The following CAMK2D variants were observed in gnomAD, a reference collection of about 807,000 sequenced individuals.
The protein encoded by CAMK2D is calcium/calmodulin dependent protein kinase II delta, also known as calcium/calmodulin-dependent protein kinase type II subunit delta.
CAMK2D carries 37 observed loss-of-function variants against 84.0 expected under a neutral mutation model. The ratio of observed to expected loss-of-function variants is 0.44; its 90% CI spans 0.34 to 0.58. CAMK2D has a LOEUF of 0.58. Ranked by LOEUF, CAMK2D falls within the 20% of genes least tolerant of loss-of-function variation. CAMK2D has a pLI of 0.02. For synonymous variants in CAMK2D, 202 were observed against 212.5 expected, an observed-to-expected ratio of 0.95 and a Z score of 0.43; for missense variants, 448 against 652.5, an observed-to-expected ratio of 0.69 and a Z score of 3.41.
At chr4:113,651,310 C>T (rs953046468) in intron 3 of CAMK2D, among the ~76,000 whole-genome samples, 1 of 152,136 alleles carries the variant, frequency 6.6e-6, no homozygotes, top group South Asian at 2.1e-4. Flanking sequence ...AACTGATGTA[C>T]TATAAATCAA....
At chr4:113,528,476 G>T (rs943442838) in intron 8 of CAMK2D, among the ~76,000 whole-genome samples, 32 of 151,982 alleles carry the variant, frequency 2.1e-4, no homozygotes, top group Admixed American at 2.0e-4. Context: ...AAAATAGGAA[G>T]GAAACTAGGA....
At chr4:113,472,144 C>T (rs529808013) in intron 16 of CAMK2D, among the ~76,000 whole-genome samples, 32 of 152,290 alleles carry the variant, frequency 2.1e-4, no homozygotes, top group African/African-American at 2.6e-4. Context: ...TGCATTATCA[C>T]GGGATGTTCA....
intron 4 of CAMK2D, among the ~76,000 whole-genome samples, chr4:113,588,203 T>C (rs190470999): frequency 9.7e-4 from 148 of 152,296 alleles, no homozygotes; most frequent in East Asian, 7.7e-4. Context: ...AAGACTTCAA[T>C]TGCTTAAATA....
At chr4:113,485,527 T>C (rs1344092244) in intron 16 of CAMK2D, among the ~76,000 whole-genome samples, 1 of 152,212 alleles carries the variant, frequency 6.6e-6, no homozygotes. Context: ...CCCTTGACCA[T>C]GTATCTCCCT....
At chr4:113,485,794 C>A (rs1465936818) in intron 16 of CAMK2D, among the ~76,000 whole-genome samples, 1 of 152,108 alleles carries the variant, frequency 6.6e-6, no homozygotes, top group African/African-American at 2.4e-5. Flanking sequence ...TAACTAGCAC[C>A]TTCCCTCCTC....
intron 3 of CAMK2D, among the ~76,000 whole-genome samples, chr4:113,640,340 G>C (rs1449914037): frequency 6.6e-6 from 1 of 152,092 alleles, no homozygotes; most frequent in Admixed American, 6.6e-5. Context: ...TAGGCAGAAG[G>C]GGAATTCACG....
At chr4:113,657,419 A>AT (rs2099206395) in intron 3 of CAMK2D, among the ~76,000 whole-genome samples, 1 of 152,148 alleles carries the variant, frequency 6.6e-6, no homozygotes, top group Non-Finnish European at 1.5e-5. Context: ...AAGCTTGGCA[A>AT]TGGCTACACA....
chr4:113,544,418 T>C (rs1046249198), intron 6 of CAMK2D, among the ~76,000 whole-genome samples: 1 of 152,196 alleles, frequency 6.6e-6, no homozygotes, highest in Non-Finnish European at 1.5e-5. Context: ...TTTTAATTCA[T>C]CCAACCAACT....
At chr4:113,714,084 CT>C (rs1242228862) in intron 2 of CAMK2D, among the ~76,000 whole-genome samples, 1 of 151,904 alleles carries the variant, frequency 6.6e-6, no homozygotes. Context: ...CATATTTAGT[CT>C]TTTGGGGTAA....
rs537178370 is a variant in CAMK2D at position 113,597,101 on chromosome 4, A to C, written c.275+12051T>G. On this transcript the variant is annotated intron_variant, in intron 4 of 20. Coordinates refer to ENST00000511664, the MANE Select transcript of CAMK2D (RefSeq NM_001321571.2). ...CCAAAGTGCTGGGATTACAGGCATG[A>C]GCCACCGCGCCTGGCCGGGTCCTAA... 1.1e-3 allele frequency among the ~76,000 whole-genome samples: 163 copies of C among 152,266 alleles called. 1 individual carries two copies. In the Middle Eastern group the frequency reaches 0.017, roughly 16 times the overall value.
At chr4:113,696,914 C>T (rs898384772) in intron 2 of CAMK2D, among the ~76,000 whole-genome samples, 2 of 73,024 alleles carry the variant, frequency 2.7e-5, no homozygotes, top group African/African-American at 1.7e-4. Flanking sequence ...AAAGATGGTC[C>T]CATTAGGAGT....
chr4:113,707,139 C>T (rs985363007), intron 2 of CAMK2D, among the ~76,000 whole-genome samples: 1 of 152,100 alleles, frequency 6.6e-6, no homozygotes, highest in Non-Finnish European at 1.5e-5. Flanking sequence ...TTTAAGCAAG[C>T]ACATTACTGG....
intron 2 of CAMK2D, among the ~76,000 whole-genome samples, chr4:113,679,220 G>A (rs1390035304): frequency 6.6e-6 from 1 of 152,084 alleles, no homozygotes; most frequent in African/African-American, 2.4e-5. Context: ...GGTTGTTAAT[G>A]CTAAAGAGCT....
chr4:113,687,074 C>T (rs2099362107), intron 2 of CAMK2D, among the ~76,000 whole-genome samples: 1 of 152,082 alleles, frequency 6.6e-6, no homozygotes, highest in African/African-American at 2.4e-5. Flanking sequence ...GGTAACCAGC[C>T]ATGAGCACAT....
chr4:113,755,090 C>T, intron 2 of CAMK2D: 6 of 983,978 alleles, frequency 6.1e-6, no homozygotes, highest in Non-Finnish European at 7.2e-6. Flanking sequence ...TTCTTGACTG[C>T]CTGGAAGCCA....
chr4:113,496,566 A>G (rs2097935779), intron 16 of CAMK2D, among the ~76,000 whole-genome samples: 1 of 151,164 alleles, frequency 6.6e-6, no homozygotes, highest in African/African-American at 2.4e-5. Context: ...CTCATGCCTC[A>G]GCCTCCCGAG....
chr4:113,505,166 A>G (rs186698300), intron 13 of CAMK2D, 131 bp from the exon 14 acceptor site: 54 of 465,516 alleles, frequency 1.2e-4, no homozygotes, highest in African/African-American at 1.0e-3. Flanking sequence ...CGTGAAAGAC[A>G]TGGTGATGAC....
chr4:113,480,764 C>A (rs1343277341), intron 16 of CAMK2D, among the ~76,000 whole-genome samples: 1 of 152,128 alleles, frequency 6.6e-6, no homozygotes, highest in African/African-American at 2.4e-5. Flanking sequence ...TTGCTTGAAC[C>A]TAGCAGGCGG....
intron 4 of CAMK2D, among the ~76,000 whole-genome samples, chr4:113,603,078 G>A (rs539194759): frequency 6.6e-6 from 1 of 152,014 alleles, no homozygotes; most frequent in Admixed American, 6.5e-5. Context: ...TATAAACTTA[G>A]CCCTCCTTGT....
Sources: allele counts gnomAD v4.1 joint callset (sites outside exome capture counted in the v4.1 genomes callset), GRCh38; gene constraint gnomAD v4.1.1; transcripts MANE v1.5; gene names NCBI Gene and HGNC (gene_info 2026-07-23, HGNC 2026-07-21).